Variants in MBD5 observed in about 807,000 individuals in gnomAD.
The protein encoded by MBD5 is methyl-CpG-binding domain protein 5.
Under a neutral mutation model 117.3 loss-of-function variants are expected in MBD5, and 13 were observed. The ratio of observed to expected loss-of-function variants is 0.11; its 90% CI spans 0.07 to 0.18. The LOEUF (loss-of-function observed/expected upper bound fraction) is 0.18. Ranked by LOEUF, MBD5 falls within the 10% of genes least tolerant of loss-of-function variation. MBD5 has a pLI of 1.00. For missense variants in MBD5, 1,879 were observed against 2,093.8 expected (o/e 0.90, Z 2.00); for synonymous variants, 727 against 766.4 (o/e 0.95, Z 0.85).
At chr2:148,313,170 C>T (rs958316050) in intron 3 of MBD5, among the ~76,000 whole-genome samples, 1 of 152,194 alleles carries the variant, frequency 6.6e-6, no homozygotes, top group South Asian at 2.1e-4. Flanking sequence ...CTTAGCAGAA[C>T]TCGAGCACTG....
chr2:148,386,235 A>C (rs1170357215), intron 4 of MBD5, among the ~76,000 whole-genome samples: 1 of 152,228 alleles, frequency 6.6e-6, no homozygotes, highest in Admixed American at 6.5e-5. Context: ...GCAGAAATTA[A>C]TGAAATGAAA....
chr2:148,307,748 C>A (rs557688407), intron 3 of MBD5, among the ~76,000 whole-genome samples: 1 of 152,216 alleles, frequency 6.6e-6, no homozygotes, highest in South Asian at 2.1e-4. Flanking sequence ...CCCATCAACC[C>A]GTCATCTACA....
intron 1 of MBD5, among the ~76,000 whole-genome samples, chr2:148,084,795 G>T (rs1011565119): frequency 1.3e-5 from 2 of 152,118 alleles, no homozygotes; most frequent in Admixed American, 1.3e-4. Flanking sequence ...TTTAGTGATG[G>T]CTGGTTTTTA....
intron 3 of MBD5, among the ~76,000 whole-genome samples, chr2:148,294,260 T>A (rs1574250133): frequency 7.0e-6 from 1 of 143,312 alleles, no homozygotes; most frequent in Non-Finnish European, 1.5e-5. Flanking sequence ...AGTCTTGCTC[T>A]GTCATTCAGG....
intron 1 of MBD5, among the ~76,000 whole-genome samples, chr2:148,152,929 G>C (rs1213652919): frequency 6.6e-6 from 1 of 151,708 alleles, no homozygotes; most frequent in Non-Finnish European, 1.5e-5. Context: ...GGAGCATTTA[G>C]TCCATTTACA....
chr2:148,127,176 C>G (rs961551866), intron 1 of MBD5, among the ~76,000 whole-genome samples: 2 of 151,940 alleles, frequency 1.3e-5, no homozygotes, highest in African/African-American at 4.8e-5. Context: ...ACCGTGTTAG[C>G]CAGGATGGTC....
At chr2:148,413,496 C>G (rs1234857918) in intron 4 of MBD5, among the ~76,000 whole-genome samples, 1 of 146,602 alleles carries the variant, frequency 6.8e-6, no homozygotes, top group Non-Finnish European at 1.5e-5. Flanking sequence ...AGGGAAGAGT[C>G]CCTCCTCCCC....
chr2:148,461,649 A>C (rs761109253), intron 5 of MBD5, among the ~76,000 whole-genome samples: 2 of 152,208 alleles, frequency 1.3e-5, no homozygotes, highest in Non-Finnish European at 2.9e-5. Context: ...AAAGTATATA[A>C]TTTCAAAGCA....
intron 1 of MBD5, among the ~76,000 whole-genome samples, chr2:148,103,011 T>C (rs1469696839): frequency 6.6e-6 from 1 of 152,156 alleles, no homozygotes; most frequent in East Asian, 1.9e-4. Context: ...CAAGAAAAGA[T>C]AGATGAAAAA....
rs1682296472 is a variant in MBD5 at position 148,514,333 on chromosome 2, A to G, written c.*1392A>G. On this transcript the variant is annotated 3_prime_UTR_variant, in exon 14 of 14. Coordinates refer to ENST00000642680, the MANE Select transcript of MBD5 (RefSeq NM_001378120.1). ...TGTAAAGTACAAGGTAATTAATAAG[A>G]AATGTAGCACAACATAATTTTCCGT... 1 of 152,240 alleles carries G rather than the reference A, an allele frequency of 6.6e-6. No individual in the cohort carries two copies. The highest frequency in any genetic ancestry group is 1.9e-4 in the East Asian group (1 of 5,196). The allele number at this position is 152,240 out of a possible 1,614,324, so 9.4% of individuals were successfully genotyped here.
intron 1 of MBD5, among the ~76,000 whole-genome samples, chr2:148,126,437 T>C: frequency 6.6e-6 from 1 of 150,946 alleles, no homozygotes; most frequent in Non-Finnish European, 1.5e-5. Context: ...TAGGTGTCTT[T>C]ACAAAGGAAA....
At chr2:148,081,026 C>T (rs1199156806) in intron 1 of MBD5, among the ~76,000 whole-genome samples, 3 of 152,078 alleles carry the variant, frequency 2.0e-5, no homozygotes, top group African/African-American at 4.8e-5. Flanking sequence ...GTTTCAACGG[C>T]ACTTATATTA....
intron 4 of MBD5, among the ~76,000 whole-genome samples, chr2:148,407,513 A>G (rs1403834078): frequency 1.3e-5 from 2 of 152,176 alleles, no homozygotes; most frequent in African/African-American, 4.8e-5. Context: ...GATTGAAAAT[A>G]TGAATTAGCA....
intron 3 of MBD5, among the ~76,000 whole-genome samples, chr2:148,314,473 G>T (rs563491949): frequency 1.4e-4 from 21 of 145,628 alleles, no homozygotes; most frequent in South Asian, 1.1e-3. Context: ...CACCTCCCAG[G>T]TTTAAGGGAT....
intron 1 of MBD5, among the ~76,000 whole-genome samples, chr2:148,022,818 A>G (rs1208122267): frequency 1.3e-5 from 2 of 152,216 alleles, no homozygotes; most frequent in Non-Finnish European, 2.9e-5. Context: ...TGAAAGGTAA[A>G]TCCAGATTTA....
chr2:148,316,926 A>T (rs1702169291), intron 3 of MBD5, among the ~76,000 whole-genome samples: 1 of 152,166 alleles, frequency 6.6e-6, no homozygotes, highest in African/African-American at 2.4e-5. Context: ...TATTGTTTTG[A>T]GGTTTTAAAA....
chr2:148,225,392 T>G (rs770148900), intron 2 of MBD5, among the ~76,000 whole-genome samples: 19 of 152,320 alleles, frequency 1.2e-4, no homozygotes, highest in Non-Finnish European at 1.5e-4. Flanking sequence ...CATTTATATT[T>G]TATTGTATTG....
chr2:148,217,331 A>G (rs919203062), intron 2 of MBD5, among the ~76,000 whole-genome samples: 2 of 152,164 alleles, frequency 1.3e-5, no homozygotes, highest in Non-Finnish European at 2.9e-5. Context: ...GGTAGCAAGA[A>G]CACAGGCACA....
At chr2:148,417,259 T>TCTA (rs1559062246) in intron 4 of MBD5, among the ~76,000 whole-genome samples, 1 of 150,610 alleles carries the variant, frequency 6.6e-6, no homozygotes, top group African/African-American at 2.4e-5. Context: ...AGTATCTGGG[T>TCTA]CTACAGACAT....
Sources: allele counts gnomAD v4.1 joint callset (sites outside exome capture counted in the v4.1 genomes callset), GRCh38; gene constraint gnomAD v4.1.1; transcripts MANE v1.5; gene names NCBI Gene and HGNC (gene_info 2026-07-23, HGNC 2026-07-21).